GRM8: variants seen among roughly 807,000 people sequenced by gnomAD.
The protein encoded by GRM8 is metabotropic glutamate receptor 8.
A neutral mutation model predicts 87.2 loss-of-function variants in GRM8; 47 were observed. The ratio of observed to expected loss-of-function variants is 0.54; its 90% CI spans 0.43 to 0.69. The LOEUF is 0.69. Ranked by LOEUF, GRM8 falls within the 30% of genes least tolerant of loss-of-function variation. GRM8 has a pLI of 0.00. For synonymous variants in GRM8, 396 were observed against 404.5 expected, an observed-to-expected ratio of 0.98 and a Z score of 0.25; for missense variants, 1,019 against 1,139.2, an observed-to-expected ratio of 0.89 and a Z score of 1.52.
chr7:126,533,425 C>A lies in GRM8; in HGVS notation c.1957G>T (p.Val653Phe). The change falls in exon 9 of 11, where the codon GTC (valine) becomes TTC (phenylalanine). Residue 653 changes from valine to phenylalanine, a missense_variant. Physicochemically the swap from Val to Phe is conservative, Grantham distance 50 (BLOSUM62 -1). Coordinates refer to ENST00000339582, the MANE Select transcript of GRM8 (RefSeq NM_000845.3). ...AAACACATGCCAAGTCCTAGGAAGA[C>A]CCGTCGGAAGGAGCATATGATTGTA... Reference protein sequence around the residue: ...PDTIICSFRRVFLGLGMCFSY... With the variant: ...PDTIICSFRRFFLGLGMCFSY... The A allele has an allele frequency of 6.2e-7, 1 of 1,613,938 alleles. No homozygotes were observed. Among genetic ancestry groups the A allele is most frequent in the Non-Finnish European group, 8.5e-7 (1 of 1,179,946 alleles).
chr7:126,773,136 G>A (rs969652949), intron 6 of GRM8, among the ~76,000 whole-genome samples: 3 of 152,176 alleles, frequency 2.0e-5, no homozygotes, highest in Non-Finnish European at 2.9e-5. Flanking sequence ...GAAATCTAAC[G>A]TTCCAGGTTG....
chr7:127,116,844 T>G (rs908307073), intron 2 of GRM8, among the ~76,000 whole-genome samples: 1 of 152,176 alleles, frequency 6.6e-6, no homozygotes, highest in African/African-American at 2.4e-5. Flanking sequence ...CCGTCTCCCA[T>G]GCATATTACA....
intron 8 of GRM8, among the ~76,000 whole-genome samples, chr7:126,548,398 T>TA (rs1056769988): frequency 2.6e-5 from 4 of 151,318 alleles, no homozygotes; most frequent in Non-Finnish European, 5.9e-5. Flanking sequence ...CTTAAGTATA[T>TA]AAAAAACAAA....
chr7:127,095,304 T>C (rs1353159933), intron 3 of GRM8, among the ~76,000 whole-genome samples: 1 of 152,172 alleles, frequency 6.6e-6, no homozygotes, highest in Non-Finnish European at 1.5e-5. Context: ...TGTGGGTTGA[T>C]GCTGGGTGGA....
intron 7 of GRM8, among the ~76,000 whole-genome samples, chr7:126,767,430 C>T (rs1000630008): frequency 2.6e-5 from 4 of 152,064 alleles, no homozygotes; most frequent in East Asian, 1.9e-4. Context: ...CTGTCAAAGT[C>T]GCATATGACA....
At chr7:126,646,399 C>A (rs932105370) in intron 7 of GRM8, among the ~76,000 whole-genome samples, 2 of 152,128 alleles carry the variant, frequency 1.3e-5, no homozygotes, top group African/African-American at 4.8e-5. Flanking sequence ...TTCTTTTCAG[C>A]CAAAGGTCTC....
At chr7:126,954,919 G>C (rs1183989202) in intron 3 of GRM8, among the ~76,000 whole-genome samples, 2 of 152,168 alleles carry the variant, frequency 1.3e-5, no homozygotes, top group African/African-American at 4.8e-5. Context: ...GAAAGAAGAA[G>C]AGTCTGTGAA....
chr7:126,465,654 G>A (rs1447753902), intron 9 of GRM8, among the ~76,000 whole-genome samples: 2 of 151,258 alleles, frequency 1.3e-5, no homozygotes, highest in Non-Finnish European at 3.0e-5. Flanking sequence ...TTTGTATATT[G>A]ATCTTATATT....
chr7:126,533,748 T>G lies in GRM8; in HGVS notation c.1634A>C (p.Asn545Thr). 6.2e-7 allele frequency: 1 copy of G among 1,614,052 alleles called. No individual in the cohort carries two copies. The highest frequency in any genetic ancestry group is 1.1e-5 in the South Asian group (1 of 91,078). ...ACAGGACAGCTCATCCACCTGGTAG[T>G]TGTAACCTTCACAGCGTTCACAGTG... ...CWHCERCEGY[N>T]YQVDELSCEL... Residue 545 changes from asparagine (N) to threonine (T), a missense_variant, in exon 9 of 11, where the codon AAC becomes ACC. Coordinates refer to ENST00000339582, the MANE Select transcript of GRM8 (RefSeq NM_000845.3).
intron 6 of GRM8, among the ~76,000 whole-genome samples, chr7:126,847,009 T>C (rs951080137): frequency 1.2e-4 from 19 of 152,346 alleles, no homozygotes; most frequent in African/African-American, 4.6e-4. Flanking sequence ...AAATTATCTC[T>C]ACACAATTAG....
chr7:126,710,481 T>G (rs1261111788), intron 7 of GRM8, among the ~76,000 whole-genome samples: 1 of 152,228 alleles, frequency 6.6e-6, no homozygotes, highest in Non-Finnish European at 1.5e-5. Flanking sequence ...ATTTCAATAA[T>G]GTTCACAGCA....
At chr7:126,719,222 A>T (rs1812101337) in intron 7 of GRM8, among the ~76,000 whole-genome samples, 1 of 142,004 alleles carries the variant, frequency 7.0e-6, no homozygotes, top group Non-Finnish European at 1.5e-5. Context: ...GGATAAAAGT[A>T]TTTTGCATAA....
chr7:126,843,435 T>G (rs1413796251), intron 6 of GRM8, among the ~76,000 whole-genome samples: 1 of 152,204 alleles, frequency 6.6e-6, no homozygotes, highest in Non-Finnish European at 1.5e-5. Context: ...CCAAGTGAAA[T>G]GCAAATACAT....
chr7:127,079,205 C>T (rs1019684053), intron 3 of GRM8, among the ~76,000 whole-genome samples: 4 of 152,098 alleles, frequency 2.6e-5, no homozygotes, highest in African/African-American at 7.2e-5. Flanking sequence ...ACTGCAACCT[C>T]TCTGCCTCCC....
At chr7:126,766,069 C>T (rs1818160963) in intron 7 of GRM8, among the ~76,000 whole-genome samples, 1 of 152,064 alleles carries the variant, frequency 6.6e-6, no homozygotes, top group Non-Finnish European at 1.5e-5. Context: ...AAATACTAGT[C>T]ATTTATCACT....
intron 6 of GRM8, among the ~76,000 whole-genome samples, chr7:126,806,627 T>A (rs1792762321): frequency 6.6e-6 from 1 of 152,224 alleles, no homozygotes; most frequent in Admixed American, 6.5e-5. Flanking sequence ...TACAATCCTT[T>A]AGCTAAACAG....
At chr7:127,208,029 C>T (rs1453307239) in intron 2 of GRM8, among the ~76,000 whole-genome samples, 3 of 152,142 alleles carry the variant, frequency 2.0e-5, no homozygotes, top group Non-Finnish European at 2.9e-5. Flanking sequence ...CGGCCGATTC[C>T]ACAAGCCATA....
intron 2 of GRM8, among the ~76,000 whole-genome samples, chr7:127,153,136 CA>C (rs1277776005): frequency 6.6e-6 from 1 of 152,046 alleles, no homozygotes. Context: ...GCATTTGGAC[CA>C]CTTGGGACAT....
At chr7:126,815,916 C>T (rs780025820) in intron 6 of GRM8, among the ~76,000 whole-genome samples, 4 of 151,940 alleles carry the variant, frequency 2.6e-5, no homozygotes, top group Non-Finnish European at 1.5e-5. Flanking sequence ...CTGAACAATC[C>T]GTAAATGGTG....
Sources: allele counts gnomAD v4.1 joint callset (sites outside exome capture counted in the v4.1 genomes callset), GRCh38; gene constraint gnomAD v4.1.1; transcripts MANE v1.5; gene names NCBI Gene and HGNC (gene_info 2026-07-23, HGNC 2026-07-21).